The following PCDHGB2 variants were observed in gnomAD, a reference collection of about 807,000 sequenced individuals.
PCDHGB2 encodes protocadherin gamma-B2.
PCDHGB2 carries 55 observed loss-of-function variants against 59.3 expected under a neutral mutation model. The ratio of observed to expected loss-of-function variants is 0.93; its 90% CI spans 0.75 to 1.16. The LOEUF (loss-of-function observed/expected upper bound fraction) is 1.16, where lower values mean the gene tolerates loss of function less well. PCDHGB2 is among the 50% of genes most tolerant of loss of function. The pLI is 0.00. For synonymous variants in PCDHGB2, 516 were observed against 512.0 expected, an observed-to-expected ratio of 1.01 and a Z score of -0.11; for missense variants, 1,228 against 1,198.5, an observed-to-expected ratio of 1.02 and a Z score of -0.36.
At chr5:141,430,327 T>C (rs1250968800) in intron 1 of PCDHGB2, among the ~76,000 whole-genome samples, 7 of 152,042 alleles carry the variant, frequency 4.6e-5, no homozygotes, top group Non-Finnish European at 1.5e-5. Context: ...AAAATCATTG[T>C]TTATAGAAAC....
chr5:141,374,903 C>T, intron 1 of PCDHGB2: 5 of 1,613,798 alleles, frequency 3.1e-6, no homozygotes, highest in Non-Finnish European at 4.2e-6. Flanking sequence ...TGAAGGAGTC[C>T]ACGGGGAAGT....
At chr5:141,366,357 G>T in intron 1 of PCDHGB2, 1 of 1,614,020 alleles carries the variant, frequency 6.2e-7, no homozygotes, top group South Asian at 1.1e-5. Context: ...GCTGACCTAG[G>T]CAGTATCAAG....
In PCDHGB2 at chr5:141,493,145, AG is replaced by A. The variant is rs11350413; in HGVS notation, c.2422-1660del. Among the ~76,000 whole-genome samples the A allele has an allele frequency of 0.17, 26,475 of 152,128 alleles. 2,528 individuals carry two copies. The highest frequency in any genetic ancestry group is 0.28 in the Admixed American group (4,206 of 15,272). ...TAGGACTGTATTTTGAAACACCCCC[AG>A]GTGATTTTGATAGCTGATTGAGAGA... is the stretch of plus-strand genomic sequence containing the variant. On this transcript the variant is annotated intron_variant, in intron 1 of 3. Transcript: ENST00000522605. The surrounding 1 kb of genome is among the most constrained non-coding windows in gnomAD (Gnocchi z 4.3).
In PCDHGB2 at chr5:141,432,358, G is replaced by A. The variant is rs750696244; in HGVS notation, c.2422-62449G>A. ...TCCGAGACTTGCAAGTGAAAGTGAT[G>A]GCGCGGGACAACGGGCACCCGCCCC... On this transcript the variant is annotated intron_variant, in intron 1 of 3. Transcript: ENST00000522605. This position sits in a 1 kb window ranked among gnomAD's most constrained non-coding sequence, Gnocchi z 6.0. The A allele has an allele frequency of 6.2e-7, 1 of 1,614,122 alleles. No homozygotes were observed. The highest frequency in any genetic ancestry group is 8.5e-7 in the Non-Finnish European group (1 of 1,180,060).
intron 1 of PCDHGB2, chr5:141,400,114 A>G: frequency 6.2e-7 from 1 of 1,614,074 alleles, no homozygotes; most frequent in Admixed American, 1.7e-5. Context: ...CTTTGCTGAC[A>G]GCTTGCAGGA....
In PCDHGB2 at chr5:141,487,161, T is replaced by C; in HGVS notation, c.2422-7646T>C. Reference sequence around the variant, plus strand: ...CTCTCTACCTCTGTTACTCTCTTAGTGTCCTTAGAGGAAGACACTCATCCA... The same window carrying C: ...CTCTCTACCTCTGTTACTCTCTTAGCGTCCTTAGAGGAAGACACTCATCCA... On this transcript the variant is annotated intron_variant, in intron 1 of 3. Coordinates refer to ENST00000522605, the MANE Select transcript of PCDHGB2 (RefSeq NM_018923.3). This position sits in a 1 kb window ranked among gnomAD's most constrained non-coding sequence, Gnocchi z 5.0. 6.2e-7 allele frequency: 1 copy of C among 1,613,528 alleles called. No homozygotes were observed.
intron 1 of PCDHGB2, chr5:141,413,792 G>C (rs1390056342): frequency 6.2e-7 from 1 of 1,613,134 alleles, no homozygotes; most frequent in South Asian, 1.1e-5. Context: ...TCCCTAGATC[G>C]CGAGGAAGAG....
chr5:141,502,694 G>A (rs1039264846), intron 2 of PCDHGB2, among the ~76,000 whole-genome samples: 5 of 152,180 alleles, frequency 3.3e-5, no homozygotes, highest in African/African-American at 1.2e-4. Flanking sequence ...ATCCTTGCCT[G>A]TATCTGTTTT....
chr5:141,450,776 C>G (rs757791026), intron 1 of PCDHGB2, among the ~76,000 whole-genome samples: 1 of 151,440 alleles, frequency 6.6e-6, no homozygotes, highest in Non-Finnish European at 1.5e-5. Flanking sequence ...CATGAGCCAC[C>G]GTGCCCGGAC....
chr5:141,401,171 G>A (rs1222326375), intron 1 of PCDHGB2, among the ~76,000 whole-genome samples: 1 of 152,054 alleles, frequency 6.6e-6, no homozygotes, highest in African/African-American at 2.4e-5. Context: ...GTGAAAACCC[G>A]TCTCTACTAA....
At chr5:141,433,091 A>C in intron 1 of PCDHGB2, 1 of 1,614,182 alleles carries the variant, frequency 6.2e-7, no homozygotes, top group Non-Finnish European at 8.5e-7. Flanking sequence ...CTATGCAGAC[A>C]TGCTCGTCAG....
intron 1 of PCDHGB2, chr5:141,399,483 C>G (rs753137844): frequency 6.2e-7 from 1 of 1,613,930 alleles, no homozygotes; most frequent in African/African-American, 1.3e-5. Context: ...ACCAGGCGTC[C>G]TACTTAGTCA....
Position 141,491,897 on chromosome 5 carries a change from C to G in PCDHGB2, c.2422-2910C>G. The stretch of plus-strand genomic sequence containing the variant: ...GATTAAGGGATGGGGCTCCGAGCAC[C>G]GGGGGTGGTGGCGACTGTGGGCGAG... On this transcript the variant is annotated intron_variant, in intron 1 of 3. Transcript: ENST00000522605. This position sits in a 1 kb window ranked among gnomAD's most constrained non-coding sequence, Gnocchi z 6.9. 7 of 1,432,534 alleles carry G rather than the reference C, an allele frequency of 4.9e-6. No homozygotes were observed. The highest frequency in any genetic ancestry group is 6.5e-6 in the Non-Finnish European group (7 of 1,082,898). 88.7% of individuals were successfully genotyped at this position (1,432,534 alleles called of 1,614,324 possible).
At chr5:141,488,011 T>C (rs1424799954) in intron 1 of PCDHGB2, among the ~76,000 whole-genome samples, 1 of 152,182 alleles carries the variant, frequency 6.6e-6, no homozygotes, top group Non-Finnish European at 1.5e-5. Context: ...GATTCTGAAG[T>C]ACCTTAACTC....
rs2099669219 is a variant in PCDHGB2, at chr5:141,487,927, C to T, written c.2422-6880C>T. 3 of 626,498 alleles carry T rather than the reference C, an allele frequency of 4.8e-6. No homozygotes were observed. Among genetic ancestry groups the T allele is most frequent in the Admixed American group, 5.9e-5 (2 of 34,100 alleles). The allele number at this position is 626,498 out of a possible 1,614,324, so 38.8% of individuals were successfully genotyped here. On this transcript the variant is annotated intron_variant, in intron 1 of 3. Coordinates refer to ENST00000522605, the MANE Select transcript of PCDHGB2 (RefSeq NM_018923.3). The surrounding 1 kb of genome is among the most constrained non-coding windows in gnomAD (Gnocchi z 5.0). ...TGGGAGCACAGGAGGCTACAGTGCA[C>T]AGGGTACAGTGCACCAGGCAGTCAC...
intron 1 of PCDHGB2, chr5:141,408,003 C>A: frequency 3.3e-6 from 3 of 917,520 alleles, no homozygotes; most frequent in Non-Finnish European, 4.7e-6. Context: ...GCCTGGGATT[C>A]CCTGCGCAGC....
At chr5:141,372,253 GC>G in intron 1 of PCDHGB2, 1 of 1,613,158 alleles carries the variant, frequency 6.2e-7, no homozygotes, top group Non-Finnish European at 8.5e-7. Flanking sequence ...TTCAGCCTGG[GC>G]CTGCGCACGG....
At chr5:141,375,066 G>C (rs1463444937) in intron 1 of PCDHGB2, 2 of 1,613,990 alleles carry the variant, frequency 1.2e-6, no homozygotes, top group East Asian at 2.2e-5. Flanking sequence ...CCAGGTCTTC[G>C]AGACAGAGCG....
chr5:141,494,775 A>G (rs1202233200), intron 1 of PCDHGB2, 32 bp from the exon 2 acceptor site: 1 of 1,613,580 alleles, frequency 6.2e-7, no homozygotes. Flanking sequence ...TCTCACGGGT[A>G]CTCAGCCCCT....
Sources: allele counts gnomAD v4.1 joint callset (sites outside exome capture counted in the v4.1 genomes callset), GRCh38; gene constraint gnomAD v4.1.1; non-coding constraint Gnocchi (gnomAD v3.1); transcripts MANE v1.5; gene names NCBI Gene and HGNC (gene_info 2026-07-23, HGNC 2026-07-21).